OR2D2: variants seen among roughly 807,000 people sequenced by gnomAD.
OR2D2 encodes olfactory receptor family 2 subfamily D member 2.
OR2D2 carries 20 observed loss-of-function variants against 16.0 expected under a neutral mutation model. That is an observed-to-expected ratio of 1.25 (90% CI 0.88 to 1.82). OR2D2 has a LOEUF of 1.82. Among genes scored for constraint, OR2D2 ranks in the 40% most tolerant of loss-of-function variants. The pLI is 0.00. For missense variants in OR2D2, 409 were observed against 369.3 expected (o/e 1.11, Z -0.88); for synonymous variants, 164 against 143.9 (o/e 1.14, Z -1.00).
In OR2D2 at chr11:6,892,412, A is replaced by G. The variant is rs1424625464; in HGVS notation, c.89T>C (p.Val30Ala). The G allele has an allele frequency of 6.2e-7, 1 of 1,613,676 alleles. No homozygotes were observed. Among genetic ancestry groups the G allele is most frequent in the Non-Finnish European group, 8.5e-7 (1 of 1,179,828 alleles). The change falls in exon 1 of 1, where the codon GTA becomes GCA. Residue 30 changes from valine (V) to alanine (A), a missense_variant. Val to Ala is a moderately conservative substitution (Grantham distance 64). Coordinates refer to ENST00000299459, the MANE Select transcript of OR2D2 (RefSeq NM_003700.1). ...GPHTEQLLFI[V>A]LLGVYLVTVL... The stretch of plus-strand genomic sequence containing the variant: ...AGTGACCAGGTAGACACCCAATAAT[A>G]CGATAAATAGCAGCTGCTCGGTGTG...
Position 6,891,978 on chromosome 11 carries a change from C to T in OR2D2, c.523G>A (p.Ala175Thr). 1 of 1,613,692 alleles carries T rather than the reference C, an allele frequency of 6.2e-7. No individual in the cohort carries two copies. The highest frequency in any genetic ancestry group is 2.2e-5 in the East Asian group (1 of 44,856). The change falls in exon 1 of 1, where the codon GCT becomes ACT. Residue 175 changes from alanine (A) to threonine (T), a missense_variant. Physicochemically the swap from Ala to Thr is moderately conservative, Grantham distance 58. Coordinates refer to ENST00000299459, the MANE Select transcript of OR2D2 (RefSeq NM_003700.1). ...RLPYRGSNSIAHFFCEAPALL... is the reference protein window; with the variant it reads ...RLPYRGSNSITHFFCEAPALL... ...GCAGGGGCCTCACAAAAGAAATGAG[C>T]AATGCTGTTACTGCCTCGGTAGGGT... is the stretch of plus-strand genomic sequence containing the variant.
In OR2D2 at chr11:6,892,071, G is replaced by C. The variant is rs968903443; in HGVS notation, c.430C>G (p.Leu144Val). 2.7e-5 allele frequency: 43 copies of C among 1,613,714 alleles called. No individual in the cohort carries two copies. The highest frequency in any genetic ancestry group is 1.2e-4 in the Admixed American group (7 of 59,940). The change falls in exon 1 of 1, where the codon CTG becomes GTG. Residue 144 changes from leucine (L) to valine (V), a missense_variant. Coordinates refer to ENST00000299459, the MANE Select transcript of OR2D2 (RefSeq NM_003700.1). ...NIMTWKVCVQ[L>V]ATGSWTSGIL... Reference sequence around the variant, plus strand: ...CCACTGGTCCATGATCCTGTTGCCAGCTGGACACACACTTTCCAGGTCATG... The same window carrying C: ...CCACTGGTCCATGATCCTGTTGCCACCTGGACACACACTTTCCAGGTCATG...
chr11:6,891,758 A>T lies in OR2D2; in HGVS notation c.743T>A (p.Val248Asp). Reference sequence around the variant, plus strand: ...AATTGCTGATCCATAAAAAAGTATGACCACCATGAGGTGGGAGCCACAGGT... The same window carrying T: ...AATTGCTGATCCATAAAAAAGTATGTCCACCATGAGGTGGGAGCCACAGGT... ...FSTCGSHLMV[V>D]ILFYGSAIIT... Residue 248 changes from valine (V) to aspartate (D), a missense_variant, in exon 1 of 1, where the codon GTC becomes GAC. Transcript: ENST00000299459. 6 of 1,613,790 alleles carry T rather than the reference A, an allele frequency of 3.7e-6. No individual in the cohort carries two copies. In the African/African-American group the frequency reaches 4.0e-5, roughly 11 times the overall value.
rs117454717 is a variant in OR2D2, at chr11:6,891,596, A to G, written c.905T>C (p.Val302Ala). Residue 302 changes from valine (V) to alanine (A), a missense_variant, in exon 1 of 1, where the codon GTA becomes GCA. Val to Ala is a moderately conservative substitution (Grantham distance 64, BLOSUM62 0). Transcript: ENST00000299459. ...CCTTCATGGGAAATTCCTTGTGGCT[A>G]CTTTCCTCAGAGCTGCCTTCACATC... ...NKDVKAALRK[V>A]ATRNFP 1.0e-3 allele frequency: 1,623 copies of G among 1,612,832 alleles called. 2 individuals are homozygous for G. The highest frequency in any genetic ancestry group is 1.3e-3 in the Non-Finnish European group (1,514 of 1,179,172).
rs1305016654 is a variant in OR2D2 at position 6,892,261 on chromosome 11, C to A, written c.240G>T (p.Gln80His). 2.5e-6 allele frequency: 4 copies of A among 1,613,796 alleles called. No individual in the cohort carries two copies. Among genetic ancestry groups the A allele is most frequent in the Admixed American group, 1.7e-5 (1 of 59,938 alleles). The change falls in exon 1 of 1, where the codon CAG (glutamine) becomes CAT (histidine). Residue 80 changes from glutamine (Q) to histidine (H), a missense_variant. Physicochemically the swap from Gln to His is conservative, Grantham distance 24. Transcript: ENST00000299459. ...TTCTGGAAAGCAGGTGGACTAGTGC[C>A]TGAGGAACTATGTTGGTAGAGAAAC... ...DLCFSTNIVPQALVHLLSRKK... is the reference protein window; with the variant it reads ...DLCFSTNIVPHALVHLLSRKK...
Position 6,892,142 on chromosome 11 carries a change from T to A in OR2D2, c.359A>T (p.Tyr120Phe), listed in dbSNP as rs111868178. Residue 120 changes from tyrosine to phenylalanine, a missense_variant, in exon 1 of 1, where the codon TAT (tyrosine) becomes TTT (phenylalanine). Tyr to Phe is a conservative substitution (Grantham distance 22, BLOSUM62 3). Transcript: ENST00000299459. ...ATTGCAGATTGCAACATAGCGATCA[T>A]AGGACATCACTGCAAGAAGGGCGCA... ...TQCALLAVMS[Y>F]DRYVAICNPL... 82 of 1,613,756 alleles carry A rather than the reference T, an allele frequency of 5.1e-5. No homozygotes were observed. Among genetic ancestry groups the A allele is most frequent in the Non-Finnish European group, 6.9e-5 (81 of 1,179,838 alleles).
In OR2D2 at chr11:6,891,704, T is replaced by A; in HGVS notation, c.797A>T (p.Lys266Ile). 6.2e-7 allele frequency: 1 copy of A among 1,613,714 alleles called. No individual in the cohort carries two copies. The highest frequency in any genetic ancestry group is 1.1e-5 in the South Asian group (1 of 91,066). Residue 266 changes from lysine (K) to isoleucine (I), a missense_variant, in exon 1 of 1, where the codon AAA (lysine) becomes ATA (isoleucine). Coordinates refer to ENST00000299459, the MANE Select transcript of OR2D2 (RefSeq NM_003700.1). ...IITYMTPKSS[K>I]QQEKSVSVFY... The stretch of plus-strand genomic sequence containing the variant: ...AACAGACACCGATTTTTCCTGCTGT[T>A]TGGAAGACTTGGGTGTCATGTAAGT...
rs753324546 is a variant in OR2D2, at chr11:6,892,352, T to G, written c.149A>C (p.His50Pro). 1.2e-6 allele frequency: 2 copies of G among 1,613,666 alleles called. No homozygotes were observed. The highest frequency in any genetic ancestry group is 2.2e-5 in the East Asian group (1 of 44,858). Residue 50 changes from histidine to proline, a missense_variant, in exon 1 of 1, where the codon CAT (histidine) becomes CCT (proline). Coordinates refer to ENST00000299459, the MANE Select transcript of OR2D2 (RefSeq NM_003700.1). ...LGNLLLISLVHVDSQLHTPMY... is the reference protein window; with the variant it reads ...LGNLLLISLVPVDSQLHTPMY... Reference sequence around the variant, plus strand: ...GGGTGTGTGAAGTTGGGAGTCAACATGAACAAGGGAGATTAGAAGCAGATT... The same window carrying G: ...GGGTGTGTGAAGTTGGGAGTCAACAGGAACAAGGGAGATTAGAAGCAGATT...
rs769176545 is a variant in OR2D2, at chr11:6,891,692, T to G, written c.809A>C (p.Lys270Thr). 36 of 1,595,936 alleles carry G rather than the reference T, an allele frequency of 2.3e-5. No individual in the cohort carries two copies. The highest frequency in any genetic ancestry group is 3.0e-5 in the Non-Finnish European group (35 of 1,179,476). Residue 270 changes from lysine (K) to threonine (T), a missense_variant, in exon 1 of 1, where the codon AAA (lysine) becomes ACA (threonine). Lys to Thr is a moderately conservative substitution (Grantham distance 78). Coordinates refer to ENST00000299459, the MANE Select transcript of OR2D2 (RefSeq NM_003700.1). ...MTPKSSKQQEKSVSVFYAIVT... is the reference protein window; with the variant it reads ...MTPKSSKQQETSVSVFYAIVT... ...TATTGCATAGAAAACAGACACCGAT[T>G]TTTCCTGCTGTTTGGAAGACTTGGG... is the stretch of plus-strand genomic sequence containing the variant.
chr11:6,891,637 A>G lies in OR2D2; in HGVS notation c.864T>C (p.Tyr288=), dbSNP rs1488793538. ...IVTPMLNPLI[Y]SLRNKDVKAA... ...CCTTCACATCCTTGTTTCTCAGGCT[A>G]TAGATGAGGGGATTAAGCATGGGAG... is the stretch of plus-strand genomic sequence containing the variant. Residue 288 remains tyrosine, a synonymous_variant, in exon 1 of 1, where the codon TAT becomes TAC. Transcript: ENST00000299459. 1 of 1,613,472 alleles carries G rather than the reference A, an allele frequency of 6.2e-7. No homozygotes were observed. The highest frequency in any genetic ancestry group is 8.5e-7 in the Non-Finnish European group (1 of 1,179,720).
At position 6,892,246 on chromosome 11, in the gene OR2D2, C is replaced by T. The variant is rs1386123112; in HGVS notation, c.255G>A (p.Leu85=). ...ATGCAATGACCTTCTTTCTGGAAAG[C>T]AGGTGGACTAGTGCCTGAGGAACTA... is the stretch of plus-strand genomic sequence containing the variant. ...TNIVPQALVH[L]LSRKKVIAFT... is the part of the protein sequence containing the mutation. The change falls in exon 1 of 1, where the codon CTG becomes CTA. Residue 85 remains leucine (L), a synonymous_variant. Coordinates refer to ENST00000299459, the MANE Select transcript of OR2D2 (RefSeq NM_003700.1). The T allele has an allele frequency of 6.2e-7, 1 of 1,613,884 alleles. No homozygotes were observed. The highest frequency in any genetic ancestry group is 1.7e-5 in the Admixed American group (1 of 59,956).
At position 6,891,859 on chromosome 11, in the gene OR2D2, A is replaced by G. The variant is rs778613396; in HGVS notation, c.642T>C (p.Ile214=). 3 of 1,613,862 alleles carry G rather than the reference A, an allele frequency of 1.9e-6. No homozygotes were observed. The highest frequency in any genetic ancestry group is 2.5e-6 in the Non-Finnish European group (3 of 1,179,882). ...VVILLIPVFL[I]LVSYGRIIVT... ...CTATGATACGGCCATAGGATACCAG[A>G]ATCAGAAAAACAGGTATGAGGAGAA... The change falls in exon 1 of 1, where the codon ATT becomes ATC. Residue 214 remains isoleucine (I), a synonymous_variant. Coordinates refer to ENST00000299459, the MANE Select transcript of OR2D2 (RefSeq NM_003700.1).
rs1347899045 is a variant in OR2D2 at position 6,891,985 on chromosome 11, G to T, written c.516C>A (p.Asn172Lys). The T allele has an allele frequency of 2.5e-6, 4 of 1,613,624 alleles. No individual in the cohort carries two copies. In the South Asian group the frequency reaches 3.3e-5, roughly 13 times the overall value. Residue 172 changes from asparagine to lysine, a missense_variant, in exon 1 of 1, where the codon AAC becomes AAA. Transcript: ENST00000299459. ...FILRLPYRGS[N>K]SIAHFFCEAP... ...CCTCACAAAAGAAATGAGCAATGCT[G>T]TTACTGCCTCGGTAGGGTAGCCTCA... is the stretch of plus-strand genomic sequence containing the variant.
Position 6,892,490 on chromosome 11 carries a change from A to T in OR2D2, c.11T>A (p.Ile4Lys). The T allele has an allele frequency of 6.2e-7, 1 of 1,605,984 alleles. No homozygotes were observed. The highest frequency in any genetic ancestry group is 8.5e-7 in the Non-Finnish European group (1 of 1,175,522). MRQINQTQVTEFLL... is the reference protein window; with the variant it reads MRQKNQTQVTEFLL... ...GAATTCTGTCACTTGTGTCTGATTTATCTGTCTCATAGTTTGTTGTCCTTT... is the reference window on the plus strand; with the variant it reads ...GAATTCTGTCACTTGTGTCTGATTTTTCTGTCTCATAGTTTGTTGTCCTTT... The change falls in exon 1 of 1, where the codon ATA becomes AAA. Residue 4 changes from isoleucine to lysine, a missense_variant. Coordinates refer to ENST00000299459, the MANE Select transcript of OR2D2 (RefSeq NM_003700.1).
rs138749994 is a variant in OR2D2, at chr11:6,892,019, G to A, written c.482C>T (p.Thr161Ile). The A allele has an allele frequency of 3.4e-4, 552 of 1,613,676 alleles. 2 individuals are homozygous for A. The African/African-American group carries it at 6.7e-3, about 20-fold the overall frequency. ...SGILVSVVDT[T>I]FILRLPYRGS... ...TCGGTAGGGTAGCCTCAGTATGAAGGTGGTGTCTACCACAGACACCAGAAT... is the reference window on the plus strand; with the variant it reads ...TCGGTAGGGTAGCCTCAGTATGAAGATGGTGTCTACCACAGACACCAGAAT... Residue 161 changes from threonine to isoleucine, a missense_variant, in exon 1 of 1, where the codon ACC becomes ATC. Thr to Ile is a moderately conservative substitution (Grantham distance 89). Coordinates refer to ENST00000299459, the MANE Select transcript of OR2D2 (RefSeq NM_003700.1).
chr11:6,892,006 C>T lies in OR2D2; in HGVS notation c.495G>A (p.Arg165=). Residue 165 remains arginine (R), a synonymous_variant, in exon 1 of 1, where the codon AGG becomes AGA. Transcript: ENST00000299459. ...VSVVDTTFIL[R]LPYRGSNSIA... is the part of the protein sequence containing the mutation. ...TGCTGTTACTGCCTCGGTAGGGTAG[C>T]CTCAGTATGAAGGTGGTGTCTACCA... The T allele has an allele frequency of 6.2e-7, 1 of 1,613,692 alleles. No homozygotes were observed. The highest frequency in any genetic ancestry group is 8.5e-7 in the Non-Finnish European group (1 of 1,179,810).
Position 6,892,251 on chromosome 11 carries a change from G to A in OR2D2, c.250C>T (p.His84Tyr), listed in dbSNP as rs57896484. 9,295 of 1,613,882 alleles carry A rather than the reference G, an allele frequency of 5.8e-3. 473 individuals carry two copies. In the African/African-American group the frequency reaches 0.11, roughly 19 times the overall value. ...STNIVPQALVHLLSRKKVIAF... is the reference protein window; with the variant it reads ...STNIVPQALVYLLSRKKVIAF... ...ATGACCTTCTTTCTGGAAAGCAGGT[G>A]GACTAGTGCCTGAGGAACTATGTTG... The change falls in exon 1 of 1, where the codon CAC becomes TAC. Residue 84 changes from histidine (H) to tyrosine (Y), a missense_variant. Transcript: ENST00000299459.
In OR2D2 at chr11:6,891,798, G is replaced by C; in HGVS notation, c.703C>G (p.Leu235Val). ...VVKMKSTVGS[L>V]KAFSTCGSHL... ...GAGCCACAGGTAGAAAATGCCTTGAGACTCCCCACAGTTGACTTCATCTTG... is the reference window on the plus strand; with the variant it reads ...GAGCCACAGGTAGAAAATGCCTTGACACTCCCCACAGTTGACTTCATCTTG... The change falls in exon 1 of 1, where the codon CTC (leucine) becomes GTC (valine). Residue 235 changes from leucine (L) to valine (V), a missense_variant. Coordinates refer to ENST00000299459, the MANE Select transcript of OR2D2 (RefSeq NM_003700.1). 1 of 1,613,776 alleles carries C rather than the reference G, an allele frequency of 6.2e-7. No homozygotes were observed.
In OR2D2 at chr11:6,891,672, C is replaced by T. The variant is rs145606839; in HGVS notation, c.829G>A (p.Ala277Thr). ...GGATTAAGCATGGGAGTCACTATTG[C>T]ATAGAAAACAGACACCGATTTTTCC... ...QQEKSVSVFY[A>T]IVTPMLNPLI... The change falls in exon 1 of 1, where the codon GCA becomes ACA. Residue 277 changes from alanine to threonine, a missense_variant. Transcript: ENST00000299459. The T allele has an allele frequency of 6.2e-7, 1 of 1,613,184 alleles. No homozygotes were observed. Among genetic ancestry groups the T allele is most frequent in the East Asian group, 2.2e-5 (1 of 44,860 alleles).
Sources: gnomAD v4.1 joint callset for allele counts on GRCh38, gnomAD v4.1.1 for gene constraint, MANE v1.5 for transcripts, NCBI Gene and HGNC (gene_info 2026-07-23, HGNC 2026-07-21) for gene names.